MAP6: variants seen among roughly 807,000 people sequenced by gnomAD.
The protein encoded by MAP6 is microtubule-associated protein 6.
MAP6 carries 26 observed loss-of-function variants against 42.4 expected under a neutral mutation model. The observed-to-expected ratio is 0.61, with a 90% CI of 0.45 to 0.85. MAP6 has a LOEUF of 0.85. Ranked by LOEUF, MAP6 falls within the 40% of genes least tolerant of loss-of-function variation. The pLI, the probability that MAP6 is intolerant of heterozygous loss-of-function variation, is 0.00. For missense variants in MAP6, 966 were observed against 1,099.0 expected, an observed-to-expected ratio of 0.88 and a Z score of 1.71; for synonymous variants, 418 against 443.8, an observed-to-expected ratio of 0.94 and a Z score of 0.73.
At chr11:75,648,768 G>A (rs965008103) in intron 1 of MAP6, among the ~76,000 whole-genome samples, 10 of 152,254 alleles carry the variant, frequency 6.6e-5, no homozygotes, top group African/African-American at 2.4e-4. Context: ...ATAGGACAAT[G>A]GGAAAGGGTA....
intron 1 of MAP6, among the ~76,000 whole-genome samples, chr11:75,613,183 G>A (rs892741924): frequency 2.0e-4 from 31 of 152,142 alleles, no homozygotes; most frequent in African/African-American, 6.0e-4. Flanking sequence ...TCAGTGGGCA[G>A]TTAACGGAAG....
chr11:75,611,277 C>T (rs1377781621), intron 1 of MAP6, among the ~76,000 whole-genome samples: 1 of 152,256 alleles, frequency 6.6e-6, no homozygotes, highest in Non-Finnish European at 1.5e-5. Flanking sequence ...TCTGTCGCAC[C>T]CCTGCCCACT....
chr11:75,602,772 C>T lies in MAP6; in HGVS notation c.1316+3036G>A, dbSNP rs536934556. 5.3e-6 allele frequency: 5 copies of T among 947,218 alleles called. No homozygotes were observed. In the South Asian group the frequency reaches 2.5e-4, roughly 46 times the overall value. The allele number at this position is 947,218 out of a possible 1,614,324, so 58.7% of individuals were successfully genotyped here. A position where few individuals can be genotyped will look rare whatever the true frequency, so the allele number is the denominator to read the frequency against. ...GCCCCAGGAAGACTGCAGGGCACAG[C>T]TCATCTTGCAGAGAATGGCTCAAAT... On this transcript the variant is annotated intron_variant, in intron 3 of 3. Transcript: ENST00000304771.
At chr11:75,603,941 G>T in intron 3 of MAP6, 12 of 985,662 alleles carry the variant, frequency 1.2e-5, no homozygotes, top group Non-Finnish European at 1.2e-5. Context: ...AAATCCTCTG[G>T]ATACAATTAA....
At chr11:75,616,874 C>T (rs771149928) in intron 1 of MAP6, among the ~76,000 whole-genome samples, 4 of 152,062 alleles carry the variant, frequency 2.6e-5, no homozygotes, top group Non-Finnish European at 5.9e-5. Context: ...ATGTATACCA[C>T]GGATGATGAT....
chr11:75,659,349 G>T (rs1470572173), intron 1 of MAP6, among the ~76,000 whole-genome samples: 2 of 152,186 alleles, frequency 1.3e-5, no homozygotes, highest in African/African-American at 4.8e-5. Context: ...AGGCGTGGTG[G>T]TGCGTGCCTG....
chr11:75,653,860 C>T (rs1565279505), intron 1 of MAP6, among the ~76,000 whole-genome samples: 1 of 152,174 alleles, frequency 6.6e-6, no homozygotes, highest in Non-Finnish European at 1.5e-5. Context: ...TGTATATTAG[C>T]CAAGTAGTAC....
In MAP6 at chr11:75,587,301, G is replaced by C; in HGVS notation, c.2200C>G (p.Pro734Ala). The C allele has an allele frequency of 1.2e-6, 2 of 1,614,154 alleles. No homozygotes were observed. The highest frequency in any genetic ancestry group is 1.7e-6 in the Non-Finnish European group (2 of 1,180,032). ...VKDQGPTVLQ[P>A]PKNQGRIVPE... Reference sequence around the variant, plus strand: ...ACTATACGACCTTGATTCTTTGGAGGCTGTAGGACTGTGGGGCCTTGATCC... The same window carrying C: ...ACTATACGACCTTGATTCTTTGGAGCCTGTAGGACTGTGGGGCCTTGATCC... Residue 734 changes from proline to alanine, a missense_variant, in exon 4 of 4, where the codon CCT becomes GCT. Physicochemically the swap from Pro to Ala is conservative, Grantham distance 27. Transcript: ENST00000304771.
At chr11:75,665,207 T>A (rs1266578468) in intron 1 of MAP6, among the ~76,000 whole-genome samples, 1 of 152,142 alleles carries the variant, frequency 6.6e-6, no homozygotes, top group Non-Finnish European at 1.5e-5. Context: ...CCAGTATGTG[T>A]GTAATGTGAA....
intron 1 of MAP6, among the ~76,000 whole-genome samples, chr11:75,649,505 A>G (rs1199349883): frequency 4.6e-5 from 7 of 152,294 alleles, no homozygotes; most frequent in African/African-American, 1.7e-4. Flanking sequence ...ATTTTTTAAT[A>G]CAATAAAAGA....
chr11:75,649,902 T>G (rs1943620493), intron 1 of MAP6, among the ~76,000 whole-genome samples: 1 of 152,106 alleles, frequency 6.6e-6, no homozygotes, highest in South Asian at 2.1e-4. Flanking sequence ...GTTTTACCCT[T>G]CTTAGTGATG....
intron 3 of MAP6, among the ~76,000 whole-genome samples, chr11:75,600,609 G>A (rs1217860911): frequency 6.6e-6 from 1 of 152,172 alleles, no homozygotes. Flanking sequence ...TCCTAACCCT[G>A]CTGGTCTCAG....
At chr11:75,665,013 C>A (rs1359100931) in intron 1 of MAP6, among the ~76,000 whole-genome samples, 1 of 152,084 alleles carries the variant, frequency 6.6e-6, no homozygotes, top group Non-Finnish European at 1.5e-5. Flanking sequence ...GATTATATAG[C>A]AAAATAGTAC....
At chr11:75,620,991 C>T (rs768126552) in intron 1 of MAP6, among the ~76,000 whole-genome samples, 5 of 151,844 alleles carry the variant, frequency 3.3e-5, no homozygotes, top group African/African-American at 4.8e-5. Flanking sequence ...ATTAGCCGGG[C>T]GTGGTGGTGG....
Position 75,668,559 on chromosome 11 carries a change from A to T in MAP6, c.-190T>A. The T allele has an allele frequency of 1.4e-6, 1 of 708,706 alleles. No homozygotes were observed. The highest frequency in any genetic ancestry group is 2.0e-6 in the Non-Finnish European group (1 of 511,570). The allele number at this position is 708,706 out of a possible 1,614,324, so 43.9% of individuals were successfully genotyped here. A position where few individuals can be genotyped will look rare whatever the true frequency, so the allele number is the denominator to read the frequency against. On this transcript the variant is annotated 5_prime_UTR_variant, in exon 1 of 4. Transcript: ENST00000304771. ...GGAGAGCTGTCCTAGGAGAGTCTGT[A>T]GAGTCCCTCGATTACCGGTCGCAAA... is the stretch of plus-strand genomic sequence containing the variant.
intron 1 of MAP6, among the ~76,000 whole-genome samples, chr11:75,635,128 G>A (rs570936679): frequency 2.6e-5 from 4 of 152,280 alleles, no homozygotes; most frequent in African/African-American, 9.6e-5. Flanking sequence ...AGTAGGAGGT[G>A]CAGGAGCAGC....
chr11:75,593,795 A>G (rs149879007), intron 3 of MAP6, among the ~76,000 whole-genome samples: 2 of 152,286 alleles, frequency 1.3e-5, no homozygotes, highest in Non-Finnish European at 2.9e-5. Context: ...ACGTTTTAAG[A>G]TCTATTATTT....
intron 1 of MAP6, among the ~76,000 whole-genome samples, chr11:75,650,422 C>A (rs903133276): frequency 4.6e-5 from 7 of 152,188 alleles, no homozygotes; most frequent in Admixed American, 6.5e-5. Context: ...AAGCATTTAT[C>A]ACAGCTAAAT....
At chr11:75,605,007 A>C (rs778397061) in intron 3 of MAP6, 30 of 985,384 alleles carry the variant, frequency 3.0e-5, no homozygotes, top group Non-Finnish European at 3.4e-5. Context: ...CGCTCTGCGA[A>C]ACCAGCAGCA....
Sources: allele counts gnomAD v4.1 joint callset (sites outside exome capture counted in the v4.1 genomes callset), GRCh38; gene constraint gnomAD v4.1.1; transcripts MANE v1.5; gene names NCBI Gene and HGNC (gene_info 2026-07-23, HGNC 2026-07-21).